Variants in DAP observed in about 807,000 individuals in gnomAD.
The protein encoded by DAP is death-associated protein 1.
Under a neutral mutation model 13.8 loss-of-function variants are expected in DAP, and 8 were observed. The observed-to-expected ratio is 0.58, with a 90% CI of 0.34 to 1.05. The LOEUF (loss-of-function observed/expected upper bound fraction) is 1.05. DAP is among the 50% of genes least tolerant of loss of function. The pLI, the probability that DAP is intolerant of heterozygous loss-of-function variation, is 0.03. For missense variants in DAP, 106 were observed against 133.2 expected (o/e 0.80, Z 1.01); for synonymous variants, 47 against 47.5 (o/e 0.99, Z 0.04).
rs187670735 is a variant in DAP, at chr5:10,723,141, A to G, written c.152+25034T>C. Among the ~76,000 whole-genome samples the G allele has an allele frequency of 8.9e-4, 135 of 152,322 alleles. 1 individual carries two copies. Among genetic ancestry groups the G allele is most frequent in the African/African-American group, 3.2e-3 (131 of 41,566 alleles). ...CTCTTGCCATCACAGTCTCCTCTAA[A>G]AGAGTAAGCAACTAAAAAAGAAAAG... On this transcript the variant is annotated intron_variant, in intron 2 of 3. Coordinates refer to ENST00000230895, the MANE Select transcript of DAP (RefSeq NM_004394.3).
chr5:10,688,610 G>A (rs1282953395), intron 2 of DAP, among the ~76,000 whole-genome samples: 1 of 151,958 alleles, frequency 6.6e-6, no homozygotes. Context: ...AGCAAAACAA[G>A]TTAAAATCAC....
chr5:10,725,501 G>A (rs1054597578), intron 2 of DAP, among the ~76,000 whole-genome samples: 7 of 152,336 alleles, frequency 4.6e-5, no homozygotes, highest in East Asian at 3.9e-4. Flanking sequence ...AGCCGGTGCC[G>A]CTGCAGAGCT....
intron 2 of DAP, among the ~76,000 whole-genome samples, chr5:10,687,872 A>ATCTATGT (rs1384346719): frequency 1.4e-5 from 2 of 146,096 alleles, no homozygotes; most frequent in Non-Finnish European, 3.0e-5. Context: ...GGAAGAGTTG[A>ATCTATGT]TCTATGTTCT....
At chr5:10,738,423 G>A (rs1739669335) in intron 2 of DAP, among the ~76,000 whole-genome samples, 1 of 152,214 alleles carries the variant, frequency 6.6e-6, no homozygotes, top group African/African-American at 2.4e-5. Flanking sequence ...GGCATCACCG[G>A]CCATGAGATG....
intron 2 of DAP, among the ~76,000 whole-genome samples, chr5:10,737,090 A>T (rs1011921972): frequency 6.6e-6 from 1 of 152,190 alleles, no homozygotes; most frequent in South Asian, 2.1e-4. Context: ...TCACGCCTGT[A>T]ATCCCAACAC....
At chr5:10,687,061 A>G (rs1409443469) in intron 2 of DAP, among the ~76,000 whole-genome samples, 1 of 152,206 alleles carries the variant, frequency 6.6e-6, no homozygotes. Context: ...TCTGTGCTCT[A>G]TACATGGGAT....
chr5:10,746,085 G>A (rs1739897498), intron 2 of DAP, among the ~76,000 whole-genome samples: 1 of 152,128 alleles, frequency 6.6e-6, no homozygotes, highest in East Asian at 1.9e-4. Context: ...CCCACTGGGG[G>A]TACTATGTGG....
chr5:10,704,340 A>G (rs1400789766), intron 2 of DAP, among the ~76,000 whole-genome samples: 1 of 152,190 alleles, frequency 6.6e-6, no homozygotes, highest in Non-Finnish European at 1.5e-5. Context: ...AATTTTTGCC[A>G]CCATGAGTTT....
intron 3 of DAP, 40 bp downstream of exon 3, chr5:10,683,489 G>T (rs1204218054): frequency 6.2e-7 from 1 of 1,601,218 alleles, no homozygotes; most frequent in Admixed American, 1.7e-5. Flanking sequence ...ATGCTGCCAT[G>T]CAAAAGCCTC....
chr5:10,689,414 TGGTTGCA>T lies in DAP; in HGVS notation c.153-5850_153-5844del, dbSNP rs1218222889. Among the ~76,000 whole-genome samples, 27 of 152,262 alleles carry T rather than the reference TGGTTGCA, an allele frequency of 1.8e-4. No homozygotes were observed. The South Asian group carries it at 2.7e-3, about 15-fold the overall frequency. On this transcript the variant is annotated intron_variant, in intron 2 of 3. Transcript: ENST00000230895. ...CTCATTCCAGGAGTGTCCAGGGCCA[TGGTTGCA>T]GGTTGCAGCGTCTAAGAGTCCACAG...
rs1010013910 is a variant in DAP at position 10,761,189 on chromosome 5, C to A, written c.-121G>T. On this transcript the variant is annotated 5_prime_UTR_variant, in exon 1 of 4. Coordinates refer to ENST00000230895, the MANE Select transcript of DAP (RefSeq NM_004394.3). ...AGCGGGCGGGAGAACGACGCGCGCG[C>A]GTGGGGCGCCGGGGCCGCGCGAGCC... 9 of 425,952 alleles carry A rather than the reference C, an allele frequency of 2.1e-5. No homozygotes were observed. Among genetic ancestry groups the A allele is most frequent in the Non-Finnish European group, 2.8e-5 (8 of 285,184 alleles). The allele number at this position is 425,952 out of a possible 1,614,324, so 26.4% of individuals were successfully genotyped here. A position where few individuals can be genotyped will look rare whatever the true frequency, so the allele number is the denominator to read the frequency against.
intron 1 of DAP, among the ~76,000 whole-genome samples, chr5:10,753,488 G>A (rs544054610): frequency 5.3e-4 from 80 of 152,344 alleles, no homozygotes; most frequent in African/African-American, 1.9e-3. Context: ...GGGAAGGGGA[G>A]TGGAGGAAGC....
intron 1 of DAP, among the ~76,000 whole-genome samples, chr5:10,756,888 T>G (rs971543155): frequency 6.8e-6 from 1 of 147,826 alleles, no homozygotes; most frequent in Non-Finnish European, 1.5e-5. Flanking sequence ...TCTGCTAATC[T>G]GCATTTGCAA....
chr5:10,716,724 G>C lies in DAP; in HGVS notation c.152+31451C>G, dbSNP rs185083251. Among the ~76,000 whole-genome samples, 1,234 of 152,286 alleles carry C rather than the reference G, an allele frequency of 8.1e-3. 21 individuals carry two copies. The highest frequency in any genetic ancestry group is 0.027 in the African/African-American group (1,131 of 41,546). ...TCCTGGCTCCTCAAGCTTGCAGACAGCCTATTCTGGGAACTTGTGATCGTG... is the reference window on the plus strand; with the variant it reads ...TCCTGGCTCCTCAAGCTTGCAGACACCCTATTCTGGGAACTTGTGATCGTG... On this transcript the variant is annotated intron_variant, in intron 2 of 3. Coordinates refer to ENST00000230895, the MANE Select transcript of DAP (RefSeq NM_004394.3).
chr5:10,731,838 C>T (rs1167618485), intron 2 of DAP, among the ~76,000 whole-genome samples: 3 of 152,214 alleles, frequency 2.0e-5, no homozygotes, highest in African/African-American at 7.2e-5. Context: ...AAGCATGGAT[C>T]TACTATGGCC....
chr5:10,718,307 T>C (rs1006744839), intron 2 of DAP, among the ~76,000 whole-genome samples: 18 of 152,142 alleles, frequency 1.2e-4, no homozygotes, highest in Admixed American at 1.2e-3. Context: ...AGCGGGTCCC[T>C]GGACTCATCC....
chr5:10,695,321 C>T lies in DAP; in HGVS notation c.153-11750G>A, dbSNP rs763770614. On this transcript the variant is annotated intron_variant, in intron 2 of 3. Coordinates refer to ENST00000230895, the MANE Select transcript of DAP (RefSeq NM_004394.3). ...ATGGAAGCCGGCCAGGCACTGCGGGCGAGGGCTGCTGGCACCTGGGCACGA... is the reference window on the plus strand; with the variant it reads ...ATGGAAGCCGGCCAGGCACTGCGGGTGAGGGCTGCTGGCACCTGGGCACGA... Among the ~76,000 whole-genome samples the T allele has an allele frequency of 3.9e-5, 6 of 152,222 alleles. No homozygotes were observed. In the East Asian group the frequency reaches 7.7e-4, roughly 20 times the overall value.
At chr5:10,738,298 C>G (rs1351959202) in intron 2 of DAP, among the ~76,000 whole-genome samples, 4 of 152,248 alleles carry the variant, frequency 2.6e-5, no homozygotes, top group Non-Finnish European at 5.9e-5. Context: ...AAACACAATA[C>G]TCATAGAGTT....
intron 1 of DAP, among the ~76,000 whole-genome samples, chr5:10,752,024 G>C (rs1579823212): frequency 6.6e-6 from 1 of 152,316 alleles, no homozygotes; most frequent in East Asian, 1.9e-4. Flanking sequence ...GTAACTCACA[G>C]ATGTGTTCAT....
Sources: gnomAD v4.1 joint callset for allele counts (sites outside exome capture counted in the v4.1 genomes callset) on GRCh38, gnomAD v4.1.1 for gene constraint, MANE v1.5 for transcripts, NCBI Gene and HGNC (gene_info 2026-07-23, HGNC 2026-07-21) for gene names.